SETDB2: variants seen among roughly 807,000 people sequenced by gnomAD.
SETDB2 encodes the protein SET domain bifurcated histone lysine methyltransferase 2.
A neutral mutation model predicts 82.5 loss-of-function variants in SETDB2; 56 were observed. The observed-to-expected ratio is 0.68, with a 90% CI of 0.55 to 0.85. The LOEUF is 0.85. Among genes scored for constraint, SETDB2 ranks in the 40% least tolerant of loss-of-function variants. The pLI is 0.00. For synonymous variants in SETDB2, 272 were observed against 284.9 expected (o/e 0.95, Z 0.46); for missense variants, 677 against 816.4 (o/e 0.83, Z 2.08).
intron 5 of SETDB2, among the ~76,000 whole-genome samples, chr13:49,472,147 C>T (rs1165460443): frequency 6.6e-6 from 1 of 151,792 alleles, no homozygotes; most frequent in African/African-American, 2.4e-5. Context: ...GACCCAACAT[C>T]TTTGAGTACA....
chr13:49,481,285 T>A (rs923314707), intron 8 of SETDB2, among the ~76,000 whole-genome samples, 169 bp downstream of exon 8: 2 of 151,844 alleles, frequency 1.3e-5, no homozygotes, highest in African/African-American at 4.8e-5. Context: ...ACTAAAGAGA[T>A]GAGATGCTTA....
At chr13:49,474,534 A>G (rs1204934876) in intron 5 of SETDB2, among the ~76,000 whole-genome samples, 1 of 152,236 alleles carries the variant, frequency 6.6e-6, no homozygotes, top group Non-Finnish European at 1.5e-5. Flanking sequence ...AATTGTTATT[A>G]ATAGATTCAT....
chr13:49,481,980 C>T, intron 8 of SETDB2: 1 of 808,984 alleles, frequency 1.2e-6, no homozygotes, highest in Non-Finnish European at 1.5e-6. Context: ...AAGAAGCTTG[C>T]AGAGTTCAGA....
chr13:49,493,287 G>C lies in SETDB2; in HGVS notation c.*1438G>C, dbSNP rs993229865. ...GGCAATGCACTAAAATGAAATGGGGGAAAAAAGCTTGATCAGTATGGGAAC... is the reference window on the plus strand; with the variant it reads ...GGCAATGCACTAAAATGAAATGGGGCAAAAAAGCTTGATCAGTATGGGAAC... On this transcript the variant is annotated 3_prime_UTR_variant, in exon 14 of 14. Transcript: ENST00000611815. The C allele has an allele frequency of 6.6e-6, 1 of 152,124 alleles. No homozygotes were observed. The highest frequency in any genetic ancestry group is 1.5e-5 in the Non-Finnish European group (1 of 68,008). 9.4% of individuals were successfully genotyped at this position (152,124 alleles called of 1,614,324 possible).
intron 2 of SETDB2, 38 bp downstream of exon 2, chr13:49,451,947 A>G: frequency 4.1e-6 from 6 of 1,447,412 alleles, no homozygotes; most frequent in Non-Finnish European, 5.7e-6. Flanking sequence ...TTATATCTAA[A>G]AGTATAAAAG....
At chr13:49,470,936 G>A (rs1287677728) in intron 5 of SETDB2, among the ~76,000 whole-genome samples, 3 of 140,332 alleles carry the variant, frequency 2.1e-5, no homozygotes, top group Non-Finnish European at 4.6e-5. Flanking sequence ...GTGTTTTTTT[G>A]TGGGGTTTTT....
At chr13:49,467,398 CA>C (rs5803465) in intron 4 of SETDB2, among the ~76,000 whole-genome samples, 119,447 of 151,310 alleles carry the variant, frequency 0.79, 47,851 homozygotes, top group African/African-American at 0.93. Flanking sequence ...GACTCTGTCT[CA>C]AAAAAAAAGA....
At chr13:49,467,990 C>A in intron 5 of SETDB2, 30 bp downstream of exon 5, 1 of 1,450,238 alleles carries the variant, frequency 6.9e-7, no homozygotes, top group South Asian at 1.3e-5. Flanking sequence ...GTTATTAATG[C>A]TTTTGCTCCT....
intron 5 of SETDB2, among the ~76,000 whole-genome samples, chr13:49,476,212 A>T (rs1049142934): frequency 2.0e-5 from 3 of 152,166 alleles, no homozygotes. Flanking sequence ...CTTGGGGACA[A>T]GAGTTCAAGG....
intron 10 of SETDB2, 49 bp from the exon 11 acceptor site, chr13:49,485,581 T>C: frequency 6.8e-7 from 1 of 1,469,012 alleles, no homozygotes; most frequent in Non-Finnish European, 9.5e-7. Context: ...AACTGCTAAA[T>C]ACTTTTGCCT....
intron 6 of SETDB2, among the ~76,000 whole-genome samples, chr13:49,477,834 A>C (rs927455204): frequency 1.3e-5 from 2 of 152,234 alleles, no homozygotes; most frequent in African/African-American, 4.8e-5. Flanking sequence ...TTTACTTTTA[A>C]AAATCATTTG....
chr13:49,475,510 A>G (rs866420064), intron 5 of SETDB2, among the ~76,000 whole-genome samples: 47 of 151,650 alleles, frequency 3.1e-4, no homozygotes, highest in African/African-American at 1.1e-3. Context: ...TTTTTAAGAC[A>G]GGATCTCACT....
intron 6 of SETDB2, among the ~76,000 whole-genome samples, chr13:49,478,560 A>G (rs965346476): frequency 1.3e-5 from 2 of 152,224 alleles, no homozygotes; most frequent in Admixed American, 1.3e-4. Context: ...ACAAGTAGAG[A>G]GAATTAACAC....
chr13:49,483,137 A>G (rs1958512295), intron 9 of SETDB2, among the ~76,000 whole-genome samples, 175 bp downstream of exon 9: 1 of 152,114 alleles, frequency 6.6e-6, no homozygotes, highest in African/African-American at 2.4e-5. Context: ...CCAATATACC[A>G]TCCTCAGTGT....
chr13:49,455,739 T>C (rs1042310219), intron 2 of SETDB2, among the ~76,000 whole-genome samples: 2 of 152,042 alleles, frequency 1.3e-5, no homozygotes, highest in Non-Finnish European at 2.9e-5. Flanking sequence ...ACTACAGTTT[T>C]ATCAGTGGTT....
chr13:49,445,299 T>A (rs998557664), intron 1 of SETDB2, among the ~76,000 whole-genome samples: 15 of 152,354 alleles, frequency 9.8e-5, no homozygotes, highest in African/African-American at 3.6e-4. Context: ...CCCGTGGTTC[T>A]GTCGTTACAA....
chr13:49,468,617 T>C (rs751872061), intron 5 of SETDB2, among the ~76,000 whole-genome samples: 1 of 151,780 alleles, frequency 6.6e-6, no homozygotes, highest in South Asian at 2.1e-4. Context: ...ACTTCTTTGT[T>C]ACCCTAATTT....
chr13:49,470,807 C>T (rs953181069), intron 5 of SETDB2, among the ~76,000 whole-genome samples: 3 of 152,086 alleles, frequency 2.0e-5, no homozygotes, highest in Admixed American at 6.5e-5. Flanking sequence ...ATCGCGCCTC[C>T]GCACTCTAGC....
At position 49,449,779 on chromosome 13, in the gene SETDB2, CATTT is replaced by C. The variant is rs564254466; in HGVS notation, c.-341-1773_-341-1770del. Among the ~76,000 whole-genome samples, 58 of 152,254 alleles carry C rather than the reference CATTT, an allele frequency of 3.8e-4. No homozygotes were observed. In the South Asian group the frequency reaches 0.012, roughly 30 times the overall value. ...ATGATATCTTTAAGAATTTTTCTTTCATTTGTTATTAAATTCAGTTTACATTTAA... is the reference window on the plus strand; with the variant it reads ...ATGATATCTTTAAGAATTTTTCTTTCGTTATTAAATTCAGTTTACATTTAA... On this transcript the variant is annotated intron_variant, in intron 1 of 13. Transcript: ENST00000611815.
Sources: gnomAD v4.1 joint callset for allele counts (sites outside exome capture counted in the v4.1 genomes callset) on GRCh38, gnomAD v4.1.1 for gene constraint, MANE v1.5 for transcripts, NCBI Gene and HGNC (gene_info 2026-07-23, HGNC 2026-07-21) for gene names.